The following LRMDA variants were observed in gnomAD, a reference collection of about 807,000 sequenced individuals.
LRMDA encodes leucine rich melanocyte differentiation associated.
In LRMDA, 18 loss-of-function variants were observed where a neutral mutation model predicts 29.8. That is an observed-to-expected ratio of 0.60 (90% confidence interval 0.42 to 0.90). LRMDA has a LOEUF of 0.90. Ranked by LOEUF, LRMDA falls within the 40% of genes least tolerant of loss-of-function variation. The probability of loss-of-function intolerance (pLI) is 0.00; values close to 1 mark genes in which losing one functional copy is unlikely to be tolerated. For synonymous variants in LRMDA, 125 were observed against 109.4 expected, an observed-to-expected ratio of 1.14 and a Z score of -0.89; for missense variants, 273 against 273.9, an observed-to-expected ratio of 1.00 and a Z score of 0.02.
intron 2 of LRMDA, among the ~76,000 whole-genome samples, chr10:76,007,929 T>A (rs1421041172): frequency 1.3e-5 from 2 of 152,232 alleles, no homozygotes; most frequent in African/African-American, 4.8e-5. Flanking sequence ...TAACCCTTGT[T>A]CTGCTTATGG....
At chr10:75,497,104 A>G (rs566267107) in intron 2 of LRMDA, among the ~76,000 whole-genome samples, 1 of 152,274 alleles carries the variant, frequency 6.6e-6, no homozygotes, top group African/African-American at 2.4e-5. Flanking sequence ...CACACCCAGA[A>G]CAAAGCAGGT....
At chr10:76,204,949 G>A (rs1283791779) in intron 5 of LRMDA, among the ~76,000 whole-genome samples, 2 of 152,158 alleles carry the variant, frequency 1.3e-5, no homozygotes, top group East Asian at 3.9e-4. Flanking sequence ...AGTCTGATAT[G>A]ACAGTGACAT....
intron 2 of LRMDA, among the ~76,000 whole-genome samples, chr10:75,578,462 TAACACCCCACTGTC>T (rs1456102257): frequency 2.6e-5 from 4 of 152,020 alleles, no homozygotes; most frequent in Non-Finnish European, 5.9e-5. Flanking sequence ...TGGGAGACTT[TAACACCCCACTGTC>T]AATATTAGAT....
intron 5 of LRMDA, among the ~76,000 whole-genome samples, chr10:76,319,646 T>C (rs1001621873): frequency 6.6e-6 from 1 of 152,246 alleles, no homozygotes; most frequent in Non-Finnish European, 1.5e-5. Flanking sequence ...AAATGAGTGA[T>C]GCTTTTTCTT....
At chr10:75,689,853 C>T (rs1437084515) in intron 2 of LRMDA, among the ~76,000 whole-genome samples, 1 of 152,148 alleles carries the variant, frequency 6.6e-6, no homozygotes, top group Non-Finnish European at 1.5e-5. Flanking sequence ...GGCTGCAGCC[C>T]GTCAGTTCTC....
chr10:75,738,812 CGTT>C (rs1345872164), intron 2 of LRMDA, among the ~76,000 whole-genome samples: 4 of 152,102 alleles, frequency 2.6e-5, no homozygotes, highest in Non-Finnish European at 5.9e-5. Flanking sequence ...GAGGTGCTCA[CGTT>C]GTGGTTTTTC....
intron 6 of LRMDA, among the ~76,000 whole-genome samples, chr10:76,416,540 A>G (rs1404074615): frequency 6.6e-6 from 1 of 152,254 alleles, no homozygotes; most frequent in East Asian, 1.9e-4. Context: ...TTTGTAAACA[A>G]TAAATTAACC....
At chr10:76,556,806 A>G (rs1454582134) in intron 6 of LRMDA, among the ~76,000 whole-genome samples, 2 of 152,288 alleles carry the variant, frequency 1.3e-5, no homozygotes, top group East Asian at 3.9e-4. Flanking sequence ...TTCTGGGAAG[A>G]TTGTTCTACA....
At chr10:76,178,912 T>C (rs1053399726) in intron 5 of LRMDA, among the ~76,000 whole-genome samples, 2 of 152,196 alleles carry the variant, frequency 1.3e-5, no homozygotes, top group Non-Finnish European at 2.9e-5. Context: ...TTTAGGAATA[T>C]GTTCCTGGGC....
intron 2 of LRMDA, among the ~76,000 whole-genome samples, chr10:75,928,237 G>A (rs1846152735): frequency 6.6e-6 from 1 of 151,872 alleles, no homozygotes; most frequent in South Asian, 2.1e-4. Flanking sequence ...GAGGCTGGGT[G>A]GGGTCTGGGA....
chr10:76,160,900 ATTTC>A (rs1262088520), intron 5 of LRMDA, among the ~76,000 whole-genome samples: 1 of 152,104 alleles, frequency 6.6e-6, no homozygotes, highest in Non-Finnish European at 1.5e-5. Context: ...TGTATCTAAG[ATTTC>A]TTTTTCTTTC....
intron 2 of LRMDA, among the ~76,000 whole-genome samples, chr10:75,527,877 G>A (rs1445276363): frequency 6.6e-6 from 1 of 151,674 alleles, no homozygotes; most frequent in African/African-American, 2.4e-5. Flanking sequence ...CGACCTTCTG[G>A]GATCAAGTGA....
At chr10:75,653,170 A>G (rs189536576) in intron 2 of LRMDA, among the ~76,000 whole-genome samples, 6 of 152,314 alleles carry the variant, frequency 3.9e-5, no homozygotes, top group Admixed American at 3.3e-4. Flanking sequence ...TTTCATTCCT[A>G]TTCCAGGTGA....
chr10:76,083,907 T>C (rs1240360713), intron 5 of LRMDA, among the ~76,000 whole-genome samples: 1 of 151,834 alleles, frequency 6.6e-6, no homozygotes, highest in African/African-American at 2.4e-5. Context: ...TAACCGTTTG[T>C]TTCCCAAGCT....
chr10:76,107,834 G>A (rs1008777565), intron 5 of LRMDA, among the ~76,000 whole-genome samples: 2 of 152,270 alleles, frequency 1.3e-5, no homozygotes, highest in East Asian at 1.9e-4. Flanking sequence ...GTGTAAACGT[G>A]CCATGGTGGT....
chr10:76,218,151 A>G (rs1314248399), intron 5 of LRMDA, among the ~76,000 whole-genome samples: 1 of 152,192 alleles, frequency 6.6e-6, no homozygotes, highest in Non-Finnish European at 1.5e-5. Context: ...GGAGTTGGCT[A>G]TTGTAATACT....
chr10:76,085,551 C>T (rs1381417582), intron 5 of LRMDA, among the ~76,000 whole-genome samples: 6 of 152,058 alleles, frequency 3.9e-5, no homozygotes, highest in Non-Finnish European at 8.8e-5. Context: ...AGGGAGGGGT[C>T]GCTTTACTTT....
chr10:76,121,424 CA>C (rs35817206), intron 5 of LRMDA, among the ~76,000 whole-genome samples: 1 of 152,098 alleles, frequency 6.6e-6, no homozygotes, highest in South Asian at 2.1e-4. Context: ...ATTGGGCTTC[CA>C]AAAGGCTGAG....
rs1300328196 is a variant in LRMDA, at chr10:76,499,474, C to A, written c.602-57735C>A. Among the ~76,000 whole-genome samples, 3 of 75,222 alleles carry A rather than the reference C, an allele frequency of 4.0e-5. 1 individual carries two copies. The highest frequency in any genetic ancestry group is 1.3e-4 in the Non-Finnish European group (3 of 22,638). The allele number at this position is 75,222 out of a possible 152,430, so 49.3% of individuals were successfully genotyped here. A position where few individuals can be genotyped will look rare whatever the true frequency, so the allele number is the denominator to read the frequency against. On this transcript the variant is annotated intron_variant, in intron 6 of 6. Coordinates refer to ENST00000611255, the MANE Select transcript of LRMDA (RefSeq NM_001305581.2). ...TTCTATTGTCTAGGTACAGACATGCCACATTTTGTTAATTACCATCAGCTG... is the reference window on the plus strand; with the variant it reads ...TTCTATTGTCTAGGTACAGACATGCAACATTTTGTTAATTACCATCAGCTG...
Sources: gnomAD v4.1 joint callset for allele counts (sites outside exome capture counted in the v4.1 genomes callset) on GRCh38, gnomAD v4.1.1 for gene constraint, MANE v1.5 for transcripts, NCBI Gene and HGNC (gene_info 2026-07-23, HGNC 2026-07-21) for gene names.